The following RBFOX1 variants were observed in gnomAD, a reference collection of about 807,000 sequenced individuals.
RBFOX1 encodes RNA binding protein fox-1 homolog 1.
In RBFOX1, 8 loss-of-function variants were observed where a neutral mutation model predicts 57.7. That is an observed-to-expected ratio of 0.14 (90% CI 0.08 to 0.25). The LOEUF is 0.25. Ranked by LOEUF, RBFOX1 falls within the 10% of genes least tolerant of loss-of-function variation. The pLI is 1.00. For synonymous variants in RBFOX1, 326 were observed against 222.4 expected, an observed-to-expected ratio of 1.47 and a Z score of -4.15; for missense variants, 611 against 548.5, an observed-to-expected ratio of 1.11 and a Z score of -1.14.
intron 3 of RBFOX1, among the ~76,000 whole-genome samples, chr16:6,916,269 CA>C (rs2153444852): frequency 6.6e-6 from 1 of 152,234 alleles, no homozygotes; most frequent in South Asian, 2.1e-4. Context: ...AAGATGGAGT[CA>C]CTGTTGTTTC....
chr16:5,452,552 C>G (rs995389564), intron 1 of RBFOX1, among the ~76,000 whole-genome samples: 5 of 152,104 alleles, frequency 3.3e-5, no homozygotes, highest in African/African-American at 1.2e-4. Flanking sequence ...TCAACAATTC[C>G]CATTTGTTCC....
chr16:5,608,335 G>A lies in RBFOX1; in HGVS notation c.318+9374G>A, dbSNP rs149750301. Reference sequence around the variant, plus strand: ...CGTAACAGCAGCAGCCGTCTGAGCAGTCATAGCATACCATGATTCTGGGAA... The same window carrying A: ...CGTAACAGCAGCAGCCGTCTGAGCAATCATAGCATACCATGATTCTGGGAA... On this transcript the variant is annotated intron_variant, in intron 3 of 19. Coordinates refer to the RBFOX1 transcript ENST00000641259. Among the ~76,000 whole-genome samples the A allele has an allele frequency of 6.8e-3, 1,038 of 152,310 alleles. 8 individuals carry two copies. Among genetic ancestry groups the A allele is most frequent in the Middle Eastern group, 0.014 (4 of 294 alleles).
At chr16:6,673,699 C>A (rs1008973239) in intron 3 of RBFOX1, among the ~76,000 whole-genome samples, 1 of 152,118 alleles carries the variant, frequency 6.6e-6, no homozygotes, top group African/African-American at 2.4e-5. Flanking sequence ...TTCTGTGACC[C>A]ATGTGCCTGG....
At chr16:5,345,555 C>T (rs956135264) in intron 1 of RBFOX1, among the ~76,000 whole-genome samples, 1 of 152,232 alleles carries the variant, frequency 6.6e-6, no homozygotes, top group Admixed American at 6.5e-5. Flanking sequence ...GGCTCCTTAC[C>T]TCCCAACTGA....
At chr16:7,354,125 C>A (rs2097174170) in intron 4 of RBFOX1, among the ~76,000 whole-genome samples, 2 of 152,000 alleles carry the variant, frequency 1.3e-5, no homozygotes, top group Admixed American at 1.3e-4. Context: ...GATCTGCCAC[C>A]ACGCCCAGCT....
intron 4 of RBFOX1, among the ~76,000 whole-genome samples, chr16:7,283,170 C>T (rs2141238512): frequency 6.6e-6 from 1 of 152,166 alleles, no homozygotes; most frequent in East Asian, 2.0e-4. Context: ...TTTAAGGAAT[C>T]TCCACATGAT....
At position 7,549,258 on chromosome 16, in the gene RBFOX1, A is replaced by G. The variant is rs369595238; in HGVS notation, c.271-30519A>G. Among the ~76,000 whole-genome samples, 15 of 152,320 alleles carry G rather than the reference A, an allele frequency of 9.8e-5. No homozygotes were observed. In the East Asian group the frequency reaches 2.3e-3, roughly 24 times the overall value. ...CACTAGCCCCCAATTTGGAACAACC[A>G]TTATGGCTGCTGAATGCTGTAGGAC... On this transcript the variant is annotated intron_variant, in intron 5 of 15. Transcript: ENST00000550418.
At chr16:6,793,167 A>G (rs1225936209) in intron 3 of RBFOX1, among the ~76,000 whole-genome samples, 1 of 152,222 alleles carries the variant, frequency 6.6e-6, no homozygotes, top group African/African-American at 2.4e-5. Context: ...CAGAAATTAA[A>G]ACAGATAATA....
intron 4 of RBFOX1, among the ~76,000 whole-genome samples, chr16:5,943,622 G>T (rs994312084): frequency 6.6e-6 from 1 of 152,138 alleles, no homozygotes; most frequent in South Asian, 2.1e-4. Context: ...TGTCTTCTCT[G>T]CATCTTGATT....
chr16:7,452,251 A>T (rs2098873203), intron 4 of RBFOX1, among the ~76,000 whole-genome samples: 1 of 152,362 alleles, frequency 6.6e-6, no homozygotes, highest in South Asian at 2.1e-4. Context: ...GCACTTTAGT[A>T]ATAGTCTATT....
At chr16:6,977,902 C>T (rs1249337587) in intron 3 of RBFOX1, among the ~76,000 whole-genome samples, 1 of 135,898 alleles carries the variant, frequency 7.4e-6, no homozygotes, top group Non-Finnish European at 1.5e-5. Context: ...CTAGGGAGAT[C>T]CCAAGAGGAA....
chr16:6,304,391 G>A (rs1311716692), intron 1 of RBFOX1, among the ~76,000 whole-genome samples: 1 of 152,058 alleles, frequency 6.6e-6, no homozygotes, highest in Non-Finnish European at 1.5e-5. Flanking sequence ...CCTCTTGTGA[G>A]CTCCCAGATT....
chr16:7,405,414 A>G (rs899470172), intron 4 of RBFOX1, among the ~76,000 whole-genome samples: 23 of 152,306 alleles, frequency 1.5e-4, no homozygotes, highest in African/African-American at 5.1e-4. Context: ...AGGTGTTGCC[A>G]GAGAACATTG....
chr16:5,456,113 T>A lies in RBFOX1; in HGVS notation c.220-11103T>A, dbSNP rs28454607. Among the ~76,000 whole-genome samples, 1,347 of 150,758 alleles carry A rather than the reference T, an allele frequency of 8.9e-3. 26 individuals carry two copies. The highest frequency in any genetic ancestry group is 0.03 in the African/African-American group (1,225 of 40,900). On this transcript the variant is annotated intron_variant, in intron 1 of 2. Transcript: ENST00000585867. Reference sequence around the variant, plus strand: ...AATATTATGGCATATATCATTTTTTTAAAAAAAAAACGTGCTTAACATGAG... The same window carrying A: ...AATATTATGGCATATATCATTTTTTAAAAAAAAAAACGTGCTTAACATGAG...
chr16:6,028,661 A>G (rs1176988140), intron 1 of RBFOX1, among the ~76,000 whole-genome samples: 1 of 152,150 alleles, frequency 6.6e-6, no homozygotes, highest in African/African-American at 2.4e-5. Context: ...ATCCTTGGCA[A>G]CAGAGCAAGA....
intron 3 of RBFOX1, among the ~76,000 whole-genome samples, chr16:6,726,715 C>G (rs1452138209): frequency 6.6e-6 from 1 of 152,140 alleles, no homozygotes; most frequent in South Asian, 2.1e-4. Context: ...TGCGTTTTCT[C>G]TTCCTTCTGC....
At chr16:6,056,918 C>T (rs971107594) in intron 1 of RBFOX1, 1 of 149,404 alleles carries the variant, frequency 6.7e-6, no homozygotes, top group African/African-American at 2.5e-5. Flanking sequence ...AGATTAATAA[C>T]CAAAGTCCTG....
chr16:5,596,959 A>G (rs949035673), intron 2 of RBFOX1, among the ~76,000 whole-genome samples: 3 of 152,186 alleles, frequency 2.0e-5, no homozygotes, highest in Admixed American at 2.0e-4. Flanking sequence ...AGGGGAACAA[A>G]CACATTTTTG....
chr16:5,613,603 T>C (rs1352587705), intron 3 of RBFOX1, among the ~76,000 whole-genome samples: 1 of 152,144 alleles, frequency 6.6e-6, no homozygotes, highest in African/African-American at 2.4e-5. Flanking sequence ...TCAAGTTCAT[T>C]TGATGGACAA....
Sources: allele counts gnomAD v4.1 joint callset (sites outside exome capture counted in the v4.1 genomes callset), GRCh38; gene constraint gnomAD v4.1.1; transcripts MANE v1.5; gene names NCBI Gene and HGNC (gene_info 2026-07-23, HGNC 2026-07-21).